XPNPEP3: variants seen among roughly 807,000 people sequenced by gnomAD.
XPNPEP3 encodes xaa-Pro aminopeptidase 3.
Under a neutral mutation model 60.0 loss-of-function variants are expected in XPNPEP3, and 41 were observed. The ratio of observed to expected loss-of-function variants is 0.68; its 90% CI spans 0.53 to 0.89. The LOEUF is 0.89. Ranked by LOEUF, XPNPEP3 falls within the 40% of genes least tolerant of loss-of-function variation. XPNPEP3 has a pLI of 0.00. For missense variants in XPNPEP3, 598 were observed against 638.9 expected, an observed-to-expected ratio of 0.94 and a Z score of 0.69; for synonymous variants, 212 against 223.2, an observed-to-expected ratio of 0.95 and a Z score of 0.45.
At chr22:40,861,716 TG>T in intron 1 of XPNPEP3, 1 of 1,614,090 alleles carries the variant, frequency 6.2e-7, no homozygotes, top group South Asian at 1.1e-5. Context: ...AAACATCATC[TG>T]GCTTATGGAA....
At chr22:40,923,042 A>G (rs1365245325) in intron 8 of XPNPEP3, among the ~76,000 whole-genome samples, 1 of 152,074 alleles carries the variant, frequency 6.6e-6, no homozygotes, top group East Asian at 1.9e-4. Flanking sequence ...GCAAGACCCT[A>G]TCTCTACAAA....
intron 2 of XPNPEP3, among the ~76,000 whole-genome samples, chr22:40,875,434 CTCTTG>C (rs1398001731): frequency 1.3e-5 from 2 of 152,104 alleles, no homozygotes; most frequent in African/African-American, 4.8e-5. Flanking sequence ...TAAATGTTTC[CTCTTG>C]TCTTCATCTC....
Position 40,882,132 on chromosome 22 carries a change from G to T in XPNPEP3, c.544G>T (p.Ala182Ser), listed in dbSNP as rs763389711. Residue 182 changes from alanine to serine, a missense_variant, in exon 3 of 10, where the codon GCC (alanine) becomes TCC (serine). Transcript: ENST00000357137. ...GAIALTGVDE[A>S]YTLEEFQHLL... ...AATAGCTCTAACTGGAGTAGACGAA[G>T]CCTATACGCTAGAAGAATTTCAACA... The T allele has an allele frequency of 6.2e-6, 10 of 1,614,030 alleles. No individual in the cohort carries two copies. The highest frequency in any genetic ancestry group is 2.2e-5 in the East Asian group (1 of 44,898).
At chr22:40,914,485 A>G (rs1047268088) in intron 7 of XPNPEP3, among the ~76,000 whole-genome samples, 161 bp downstream of exon 7, 2 of 149,518 alleles carry the variant, frequency 1.3e-5, no homozygotes, top group African/African-American at 2.5e-5. Context: ...TTTGTTCATC[A>G]TATCACTGGA....
chr22:40,858,790 A>T (rs1403438655), intron 1 of XPNPEP3, among the ~76,000 whole-genome samples: 1 of 151,900 alleles, frequency 6.6e-6, no homozygotes, highest in Non-Finnish European at 1.5e-5. Context: ...TCGGCCTCCC[A>T]AAGTGCTGGG....
intron 6 of XPNPEP3, among the ~76,000 whole-genome samples, chr22:40,912,616 C>A (rs926141441): frequency 6.6e-6 from 1 of 152,242 alleles, no homozygotes; most frequent in African/African-American, 2.4e-5. Context: ...TGCCTGTAAT[C>A]CCAGCACTTT....
chr22:40,922,372 A>G lies in XPNPEP3; in HGVS notation c.1095A>G (p.Leu365=), dbSNP rs2058219957. 6.2e-7 allele frequency: 1 copy of G among 1,613,866 alleles called. No individual in the cohort carries two copies. Among genetic ancestry groups the G allele is most frequent in the East Asian group, 2.2e-5 (1 of 44,890 alleles). ...APQAELYEAV[L]EIQRDCLALC... is the part of the protein sequence containing the mutation. ...AGGCAGAACTCTATGAAGCCGTTCT[A>G]GAGATCCAAAGAGATTGTTTGGCCC... The change falls in exon 8 of 10, where the codon CTA becomes CTG. Residue 365 remains leucine, a synonymous_variant. Coordinates refer to ENST00000357137, the MANE Select transcript of XPNPEP3 (RefSeq NM_022098.4).
chr22:40,898,806 A>G (rs988620194), intron 4 of XPNPEP3, among the ~76,000 whole-genome samples: 5 of 152,156 alleles, frequency 3.3e-5, no homozygotes, highest in African/African-American at 1.2e-4. Context: ...AACCTGGGTG[A>G]GGGGTATCCC....
chr22:40,927,748 G>C lies in XPNPEP3; in HGVS notation c.*1313G>C, dbSNP rs1482949439. ...AAATTAGCTGGGCGTGGTGGCGGAT[G>C]CCTGTAGTCCCAGCTACTCAGGAGG... is the stretch of plus-strand genomic sequence containing the variant. On this transcript the variant is annotated 3_prime_UTR_variant, in exon 10 of 10. Coordinates refer to ENST00000357137, the MANE Select transcript of XPNPEP3 (RefSeq NM_022098.4). The C allele has an allele frequency of 6.6e-6, 1 of 151,674 alleles. No homozygotes were observed. The highest frequency in any genetic ancestry group is 2.4e-5 in the African/African-American group (1 of 41,254). The allele number at this position is 151,674 out of a possible 1,614,324, so 9.4% of individuals were successfully genotyped here.
chr22:40,885,498 C>T (rs1646686028), intron 3 of XPNPEP3, among the ~76,000 whole-genome samples: 1 of 152,132 alleles, frequency 6.6e-6, no homozygotes, highest in Non-Finnish European at 1.5e-5. Context: ...TGTAGTTTTT[C>T]CATAGCAATG....
intron 2 of XPNPEP3, chr22:40,870,402 T>G (rs1026359198): frequency 5.3e-6 from 1 of 188,596 alleles, no homozygotes; most frequent in African/African-American, 2.4e-5. Flanking sequence ...TATAAGTGAA[T>G]GTAAATAAAT....
intron 7 of XPNPEP3, chr22:40,917,972 C>T (rs1601520081): frequency 6.8e-6 from 1 of 146,226 alleles, no homozygotes; most frequent in Admixed American, 6.9e-5. Context: ...GACTGCACTA[C>T]TACACTCCAG....
intron 7 of XPNPEP3, among the ~76,000 whole-genome samples, chr22:40,915,270 T>C (rs1306135102): frequency 1.3e-5 from 2 of 151,994 alleles, no homozygotes; most frequent in Admixed American, 1.3e-4. Flanking sequence ...CAAGTACAAG[T>C]CCATTCTTAA....
At chr22:40,915,986 G>A (rs1164382754) in intron 7 of XPNPEP3, among the ~76,000 whole-genome samples, 1 of 152,088 alleles carries the variant, frequency 6.6e-6, no homozygotes, top group Non-Finnish European at 1.5e-5. Flanking sequence ...CTGTAATCAA[G>A]AAAATCTGAT....
At chr22:40,907,892 A>G (rs1458349242) in intron 5 of XPNPEP3, among the ~76,000 whole-genome samples, 2 of 152,190 alleles carry the variant, frequency 1.3e-5, no homozygotes, top group Non-Finnish European at 2.9e-5. Context: ...GTGAGGTGAC[A>G]AAAGTAATAC....
intron 1 of XPNPEP3, among the ~76,000 whole-genome samples, chr22:40,866,482 T>C (rs1310751302): frequency 6.6e-6 from 1 of 152,122 alleles, no homozygotes; most frequent in Non-Finnish European, 1.5e-5. Context: ...CAGTGTCCAC[T>C]TTAGACTAAG....
chr22:40,920,658 T>A (rs1206944252), intron 7 of XPNPEP3, among the ~76,000 whole-genome samples: 1 of 152,216 alleles, frequency 6.6e-6, no homozygotes, highest in Admixed American at 6.5e-5. Context: ...AGTCTCTGAT[T>A]AGTGGACCCA....
intron 4 of XPNPEP3, among the ~76,000 whole-genome samples, chr22:40,900,458 T>G (rs1489021327): frequency 6.6e-6 from 1 of 151,350 alleles, no homozygotes; most frequent in Non-Finnish European, 1.5e-5. Context: ...TACAAAAAAT[T>G]AGCCAGGCAT....
At chr22:40,900,913 A>G (rs918372954) in intron 4 of XPNPEP3, among the ~76,000 whole-genome samples, 2 of 152,072 alleles carry the variant, frequency 1.3e-5, no homozygotes, top group Non-Finnish European at 2.9e-5. Flanking sequence ...AGCTTGGGTA[A>G]CAGAGTGAGA....
Sources: gnomAD v4.1 joint callset for allele counts (sites outside exome capture counted in the v4.1 genomes callset) on GRCh38, gnomAD v4.1.1 for gene constraint, MANE v1.5 for transcripts, NCBI Gene and HGNC (gene_info 2026-07-23, HGNC 2026-07-21) for gene names.